Variants in ATP2B1 observed in about 807,000 individuals in gnomAD.
The protein encoded by ATP2B1 is ATPase plasma membrane Ca2+ transporting 1, also known as plasma membrane calcium-transporting ATPase 1.
ATP2B1 carries 14 observed loss-of-function variants against 124.2 expected under a neutral mutation model. The ratio of observed to expected loss-of-function variants is 0.11; its 90% confidence interval spans 0.07 to 0.18. ATP2B1 has a LOEUF of 0.18. ATP2B1 is among the 10% of genes least tolerant of loss of function. The pLI is 1.00. For missense variants in ATP2B1, 763 were observed against 1,466.1 expected (o/e 0.52, Z 7.83); for synonymous variants, 449 against 492.4 (o/e 0.91, Z 1.17).
intron 20 of ATP2B1, among the ~76,000 whole-genome samples, chr12:89,595,461 TCTGA>T (rs1198449408): frequency 1.3e-5 from 2 of 152,016 alleles, no homozygotes; most frequent in African/African-American, 4.8e-5. Context: ...AGAGTGAAGA[TCTGA>T]CTAATAAATG....
intron 1 of ATP2B1, among the ~76,000 whole-genome samples, chr12:89,672,160 A>G (rs76483120): frequency 0.016 from 2,485 of 152,314 alleles, 63 homozygotes; most frequent in African/African-American, 0.057. Flanking sequence ...TCTTATGTGT[A>G]AAATAGAGAA....
At chr12:89,680,986 G>C (rs1034098110) in intron 1 of ATP2B1, among the ~76,000 whole-genome samples, 4 of 152,120 alleles carry the variant, frequency 2.6e-5, no homozygotes, top group African/African-American at 9.7e-5. Context: ...AAACAGTTTC[G>C]AATGTACAAG....
At chr12:89,606,668 G>A (rs530686419) in intron 15 of ATP2B1, among the ~76,000 whole-genome samples, 1 of 150,834 alleles carries the variant, frequency 6.6e-6, no homozygotes, top group Non-Finnish European at 1.5e-5. Flanking sequence ...CTGCCTTCCG[G>A]GTTCACGCCA....
chr12:89,611,188 T>A lies in ATP2B1; in HGVS notation c.2247+5A>T. On this transcript the variant is annotated splice_donor_5th_base_variant and intron_variant, in intron 13 of 20. Transcript: ENST00000428670. The stretch of plus-strand genomic sequence containing the variant: ...ACCAAAAACAAAATAATAATAAATC[T>A]TTACCTCTCCTTTTTCATTTCGTAT... The A allele has an allele frequency of 6.3e-7, 1 of 1,578,634 alleles. No homozygotes were observed. The highest frequency in any genetic ancestry group is 8.6e-7 in the Non-Finnish European group (1 of 1,169,358).
chr12:89,601,747 A>G (rs1875892637), intron 18 of ATP2B1, among the ~76,000 whole-genome samples: 1 of 152,234 alleles, frequency 6.6e-6, no homozygotes, highest in Admixed American at 6.5e-5. Flanking sequence ...CAAGAATAAT[A>G]ATTTTATACT....
chr12:89,639,698 G>C (rs1196014661), intron 3 of ATP2B1, among the ~76,000 whole-genome samples: 3 of 151,862 alleles, frequency 2.0e-5, no homozygotes, highest in South Asian at 2.1e-4. Flanking sequence ...AAGGGCCTTA[G>C]AACACCGACA....
chr12:89,681,438 T>C (rs1592961494), intron 1 of ATP2B1, among the ~76,000 whole-genome samples: 1 of 150,462 alleles, frequency 6.6e-6, no homozygotes, highest in East Asian at 2.0e-4. Context: ...TGGAGTGCAG[T>C]GGCGTGATCT....
chr12:89,605,887 G>C (rs970168496), intron 15 of ATP2B1, among the ~76,000 whole-genome samples: 2 of 152,190 alleles, frequency 1.3e-5, no homozygotes, highest in African/African-American at 2.4e-5. Flanking sequence ...TGGTAAGAGT[G>C]CTAAAGGTCT....
intron 1 of ATP2B1, among the ~76,000 whole-genome samples, chr12:89,685,149 T>C (rs1474615477): frequency 6.6e-6 from 1 of 151,908 alleles, no homozygotes; most frequent in Non-Finnish European, 1.5e-5. Context: ...TTACCAAGAG[T>C]GGGACATTTG....
intron 1 of ATP2B1, among the ~76,000 whole-genome samples, chr12:89,675,319 T>A (rs2136565053): frequency 6.6e-6 from 1 of 152,292 alleles, no homozygotes; most frequent in East Asian, 1.9e-4. Context: ...ATGCGTAAAT[T>A]TAACAGTATA....
chr12:89,630,370 T>G (rs908593159), intron 6 of ATP2B1, 135 bp downstream of exon 6: 8 of 775,692 alleles, frequency 1.0e-5, no homozygotes, highest in Non-Finnish European at 1.5e-5. Context: ...CCCATGCTAT[T>G]AAGTCTAATA....
intron 9 of ATP2B1, 66 bp from the exon 10 acceptor site, chr12:89,621,857 AATG>A (rs1880020751): frequency 3.0e-6 from 4 of 1,344,768 alleles, no homozygotes; most frequent in South Asian, 1.8e-5. Context: ...ATTACATTAA[AATG>A]ATTATAAATT....
chr12:89,629,099 A>AGAAGCTTACTG (rs1881420668), intron 6 of ATP2B1, among the ~76,000 whole-genome samples: 1 of 152,220 alleles, frequency 6.6e-6, no homozygotes, highest in Non-Finnish European at 1.5e-5. Flanking sequence ...CAGGGGGAAA[A>AGAAGCTTACTG]GAAGCTTACT....
chr12:89,636,750 A>C (rs1882775637), intron 3 of ATP2B1, among the ~76,000 whole-genome samples: 1 of 152,182 alleles, frequency 6.6e-6, no homozygotes, highest in South Asian at 2.1e-4. Flanking sequence ...AGTTACAAAA[A>C]ATATCCTGAG....
At chr12:89,610,697 G>T in intron 13 of ATP2B1, 189 bp from the exon 14 acceptor site, 1 of 533,178 alleles carries the variant, frequency 1.9e-6, no homozygotes, top group East Asian at 3.1e-5. Flanking sequence ...CTGTGGGGCA[G>T]GCCCAGCAAT....
chr12:89,650,943 G>C (rs1238176575), intron 2 of ATP2B1, among the ~76,000 whole-genome samples: 1 of 152,224 alleles, frequency 6.6e-6, no homozygotes, highest in East Asian at 1.9e-4. Context: ...ATTTTATGCA[G>C]TTAGGATGTT....
chr12:89,621,728 T>C lies in ATP2B1; in HGVS notation c.1408A>G (p.Thr470Ala). 6.2e-7 allele frequency: 1 copy of C among 1,609,748 alleles called. No individual in the cohort carries two copies. The highest frequency in any genetic ancestry group is 8.5e-7 in the Non-Finnish European group (1 of 1,177,814). ...LDACETMGNA[T>A]AICSDKTGTL... ...CCTGTTTTATCTGAACAAATAGCTG[T>C]AGCATTTCCCATGGTTTCACAAGCA... The change falls in exon 10 of 21, where the codon ACA becomes GCA. Residue 470 changes from threonine (T) to alanine (A), a missense_variant. Coordinates refer to ENST00000428670, the MANE Select transcript of ATP2B1 (RefSeq NM_001366521.1).
At chr12:89,621,847 A>C in intron 9 of ATP2B1, 56 bp from the exon 10 acceptor site, 3 of 1,395,016 alleles carry the variant, frequency 2.2e-6, no homozygotes, top group Non-Finnish European at 2.8e-6. Context: ...CAATCACCTC[A>C]TTACATTAAA....
Position 89,642,200 on chromosome 12 carries a change from A to G in ATP2B1, c.364T>C (p.Leu122=). 6.2e-7 allele frequency: 1 copy of G among 1,613,792 alleles called. No homozygotes were observed. The highest frequency in any genetic ancestry group is 1.1e-5 in the South Asian group (1 of 91,078). The change falls in exon 3 of 21, where the codon TTG becomes CTG. Residue 122 remains leucine (L), a synonymous_variant. Transcript: ENST00000428670. ...IILEIAAIVS[L]GLSFYQPPEG... ...GGAGGCTGATAAAAAGAAAGGCCCA[A>G]TGATACTATGGCTGCAATTTCTAAT...
Sources: gnomAD v4.1 joint callset for allele counts (sites outside exome capture counted in the v4.1 genomes callset) on GRCh38, gnomAD v4.1.1 for gene constraint, MANE v1.5 for transcripts, NCBI Gene and HGNC (gene_info 2026-07-23, HGNC 2026-07-21) for gene names.